Variants in HERC1 observed in about 807,000 individuals in gnomAD.
HERC1 encodes the protein HECT and RLD domain containing E3 ubiquitin protein ligase family member 1.
Under a neutral mutation model 554.3 loss-of-function variants are expected in HERC1, and 160 were observed. The ratio of observed to expected loss-of-function variants is 0.29; its 90% CI spans 0.25 to 0.33. HERC1 has a LOEUF of 0.33. HERC1 is among the 10% of genes least tolerant of loss of function. The pLI is 1.00. For synonymous variants in HERC1, 2,175 were observed against 2,131.7 expected, an observed-to-expected ratio of 1.02 and a Z score of -0.56; for missense variants, 4,919 against 5,918.5, an observed-to-expected ratio of 0.83 and a Z score of 5.54.
intron 1 of HERC1, among the ~76,000 whole-genome samples, chr15:63,776,421 A>C (rs2076116689): frequency 6.6e-6 from 1 of 152,234 alleles, no homozygotes; most frequent in Non-Finnish European, 1.5e-5. Context: ...TGTAGAATGG[A>C]ACACCCACTT....
At position 63,643,016 on chromosome 15, in the gene HERC1, T is replaced by G. The variant is rs756404290; in HGVS notation, c.11374A>C (p.Ile3792Leu). The change falls in exon 59 of 78, where the codon ATT becomes CTT. Residue 3792 changes from isoleucine to leucine, a missense_variant. Ile to Leu is a conservative substitution (Grantham distance 5). Around this residue, in one of 11 missense-constraint regions of HERC1, gnomAD observed 1,963 missense variants for 2,228.6 expected, o/e 0.88. Transcript: ENST00000443617. ...LQTVVIGSGA[I>L]QTTVWIPEVG... Reference sequence around the variant, plus strand: ...TCTGGAATCCATACTGTGGTCTGAATAGCTCCAGAGCCTATCACAACAGTT... The same window carrying G: ...TCTGGAATCCATACTGTGGTCTGAAGAGCTCCAGAGCCTATCACAACAGTT... 1 of 1,613,268 alleles carries G rather than the reference T, an allele frequency of 6.2e-7. No individual in the cohort carries two copies. The highest frequency in any genetic ancestry group is 1.1e-5 in the South Asian group (1 of 90,962).
At chr15:63,673,361 C>T (rs1309843110) in intron 38 of HERC1, among the ~76,000 whole-genome samples, 3 of 152,038 alleles carry the variant, frequency 2.0e-5, no homozygotes, top group Admixed American at 2.0e-4. Flanking sequence ...TTATATACAC[C>T]ATGTACCTCT....
intron 25 of HERC1, among the ~76,000 whole-genome samples, chr15:63,702,208 CA>C (rs1396102938): frequency 6.6e-6 from 1 of 152,062 alleles, no homozygotes; most frequent in East Asian, 1.9e-4. Flanking sequence ...AATACACTAC[CA>C]CACGAGAATC....
intron 12 of HERC1, among the ~76,000 whole-genome samples, chr15:63,738,106 T>C (rs1207843668): frequency 6.6e-6 from 1 of 152,186 alleles, no homozygotes; most frequent in Non-Finnish European, 1.5e-5. Context: ...TATATGGACA[T>C]CATTAACCTC....
rs2071414921 is a variant in HERC1 at position 63,680,360 on chromosome 15, T to C, written c.6465+177A>G. Among the ~76,000 whole-genome samples, 1 of 152,176 alleles carries C rather than the reference T, an allele frequency of 6.6e-6. No individual in the cohort carries two copies. Among genetic ancestry groups the C allele is most frequent in the South Asian group, 2.1e-4 (1 of 4,830 alleles). ...GTGTTCATCTGTTTCAAAAATCTTA[T>C]TGGGGTTTTACTATCTTCCTGTTTG... On this transcript the variant is annotated intron_variant, in intron 35 of 77. Coordinates refer to ENST00000443617, the MANE Select transcript of HERC1 (RefSeq NM_003922.4). The surrounding 1 kb of genome is among the most constrained non-coding windows in gnomAD (Gnocchi z 5.8).
intron 34 of HERC1, among the ~76,000 whole-genome samples, chr15:63,682,551 G>A (rs2071531219): frequency 6.6e-6 from 1 of 152,150 alleles, no homozygotes; most frequent in African/African-American, 2.4e-5. Context: ...AGGGAGGACT[G>A]CTTGAAGCCA....
At chr15:63,639,016 G>A (rs1285067265) in intron 61 of HERC1, among the ~76,000 whole-genome samples, 1 of 152,108 alleles carries the variant, frequency 6.6e-6, no homozygotes, top group Non-Finnish European at 1.5e-5. Context: ...TTCAAAGCTA[G>A]CCATGTGTTT....
rs1370518553 is a variant in HERC1 at position 63,734,128 on chromosome 15, C to T, written c.2646+596G>A. ...GTTAGAGTGAGCTATGATTGCACCA[C>T]CCTACTCCAGCGTGGATGACAGAGC... On this transcript the variant is annotated intron_variant, in intron 13 of 77. Transcript: ENST00000443617. The surrounding 1 kb of genome is among the most constrained non-coding windows in gnomAD (Gnocchi z 4.6). Among the ~76,000 whole-genome samples the T allele has an allele frequency of 6.6e-6, 1 of 152,124 alleles. No individual in the cohort carries two copies. The highest frequency in any genetic ancestry group is 1.5e-5 in the Non-Finnish European group (1 of 68,030).
At chr15:63,773,690 C>T (rs184302830) in intron 2 of HERC1, among the ~76,000 whole-genome samples, 26 of 151,598 alleles carry the variant, frequency 1.7e-4, no homozygotes, top group East Asian at 1.2e-3. Context: ...ATTACAGGTG[C>T]GCACCACCAC....
At chr15:63,825,679 T>C (rs2077872393) in intron 1 of HERC1, among the ~76,000 whole-genome samples, 1 of 152,162 alleles carries the variant, frequency 6.6e-6, no homozygotes, top group African/African-American at 2.4e-5. Context: ...CCCAGGCCTT[T>C]ACTGGTTCCA....
intron 1 of HERC1, among the ~76,000 whole-genome samples, chr15:63,814,786 T>C (rs138670714): frequency 4.6e-5 from 7 of 152,324 alleles, no homozygotes; most frequent in African/African-American, 1.7e-4. Flanking sequence ...GCTTTCAAGA[T>C]GCAGAAAATT....
At chr15:63,730,320 A>G (rs1339858693) in intron 14 of HERC1, among the ~76,000 whole-genome samples, 1 of 151,828 alleles carries the variant, frequency 6.6e-6, no homozygotes, top group African/African-American at 2.4e-5. Flanking sequence ...TTAGCTGAGC[A>G]TGGTGGTGCA....
chr15:63,624,053 C>G, intron 72 of HERC1, 105 bp downstream of exon 72: 1 of 1,279,884 alleles, frequency 7.8e-7, no homozygotes, highest in Non-Finnish European at 1.1e-6. Flanking sequence ...CTATTACTAT[C>G]TACCCTGCCT....
chr15:63,738,849 T>C (rs188078991), intron 12 of HERC1, among the ~76,000 whole-genome samples: 38 of 152,280 alleles, frequency 2.5e-4, no homozygotes, highest in Admixed American at 2.0e-3. Flanking sequence ...ATTCTAGTAC[T>C]TTTACCCTTT....
intron 45 of HERC1, among the ~76,000 whole-genome samples, chr15:63,661,491 T>C (rs1433069368): frequency 2.6e-5 from 4 of 152,132 alleles, no homozygotes; most frequent in Non-Finnish European, 5.9e-5. Context: ...CTCCTGAGGG[T>C]TAAGGCAAGG....
intron 12 of HERC1, among the ~76,000 whole-genome samples, chr15:63,739,915 A>ATTT (rs1160140622): frequency 6.8e-6 from 1 of 147,294 alleles, no homozygotes; most frequent in African/African-American, 2.5e-5. Context: ...AGCATATTTT[A>ATTT]TTTTTTTTTT....
intron 39 of HERC1, 121 bp downstream of exon 39, chr15:63,672,365 ATATAATCTCT>A: frequency 3.1e-6 from 2 of 636,236 alleles, no homozygotes; most frequent in Non-Finnish European, 5.3e-6. Context: ...GAGCTTGACT[ATATAATCTCT>A]TAGTTTCTTT....
intron 16 of HERC1, among the ~76,000 whole-genome samples, chr15:63,728,482 AG>A (rs1882449560): frequency 6.6e-6 from 1 of 152,158 alleles, no homozygotes; most frequent in Non-Finnish European, 1.5e-5. Flanking sequence ...TAATGAGGAA[AG>A]GTTTCAGTTT....
rs968490579 is a variant in HERC1 at position 63,664,574 on chromosome 15, G to A, written c.8576C>T (p.Thr2859Ile). Residue 2859 changes from threonine (T) to isoleucine (I), a missense_variant, in exon 43 of 78, where the codon ACA (threonine) becomes ATA (isoleucine). Thr to Ile is a moderately conservative substitution (Grantham distance 89). Around this residue, in one of 11 missense-constraint regions of HERC1, gnomAD observed 1,963 missense variants for 2,228.6 expected, o/e 0.88. Transcript: ENST00000443617. Reference protein sequence around the residue: ...FSESPDNLDHTENAASGSGPS... With the variant: ...FSESPDNLDHIENAASGSGPS... ...TCCACTTCCAGAAGCTGCATTCTCT[G>A]TATGATCCAAATTATCAGGGCTACA... 7.4e-6 allele frequency: 12 copies of A among 1,613,324 alleles called. No homozygotes were observed. The highest frequency in any genetic ancestry group is 9.3e-6 in the Non-Finnish European group (11 of 1,179,578).
Sources: gnomAD v4.1 joint callset for allele counts (sites outside exome capture counted in the v4.1 genomes callset) on GRCh38, gnomAD v4.1.1 for gene constraint, gnomAD v4.1.1 regional missense constraint, Gnocchi (gnomAD v3.1) non-coding constraint, MANE v1.5 for transcripts, NCBI Gene and HGNC (gene_info 2026-07-23, HGNC 2026-07-21) for gene names.